Variants in RANBP17 observed in about 807,000 individuals in gnomAD.
RANBP17 encodes ran-binding protein 17.
Under a neutral mutation model 141.2 loss-of-function variants are expected in RANBP17, and 158 were observed. That is an observed-to-expected ratio of 1.12 (90% CI 0.98 to 1.28). RANBP17 has a LOEUF of 1.28. Among genes scored for constraint, RANBP17 ranks in the 50% most tolerant of loss-of-function variants. The pLI is 0.00. For synonymous variants in RANBP17, 430 were observed against 450.0 expected, an observed-to-expected ratio of 0.96 and a Z score of 0.56; for missense variants, 1,438 against 1,290.7, an observed-to-expected ratio of 1.11 and a Z score of -1.75.
At chr5:171,073,369 A>T (rs1784738285) in intron 14 of RANBP17, among the ~76,000 whole-genome samples, 1 of 152,106 alleles carries the variant, frequency 6.6e-6, no homozygotes, top group Non-Finnish European at 1.5e-5. Flanking sequence ...CTAGTTGGTA[A>T]ATTTGTTTCT....
Position 171,293,967 on chromosome 5 carries a change from C to G in RANBP17, c.3028C>G (p.Leu1010Val). ...ATCCAGGCCTCTCCTGGGGCTCATC[C>G]TGCTCAATGAGAAGGTGAGTGTGAT... ...SVSRPLLGLI[L>V]LNEKYFSELR... The change falls in exon 26 of 28, where the codon CTG (leucine) becomes GTG (valine). Residue 1010 changes from leucine to valine, a missense_variant. By Grantham distance (32) the Leu-to-Val change is conservative. Transcript: ENST00000523189. 1 of 1,613,098 alleles carries G rather than the reference C, an allele frequency of 6.2e-7. No homozygotes were observed. The highest frequency in any genetic ancestry group is 1.1e-5 in the South Asian group (1 of 91,058).
chr5:170,983,448 A>C (rs1777910295), intron 14 of RANBP17, among the ~76,000 whole-genome samples: 2 of 152,244 alleles, frequency 1.3e-5, no homozygotes, highest in Admixed American at 6.5e-5. Context: ...ATTGAATCAT[A>C]GTACCATGGA....
intron 25 of RANBP17, among the ~76,000 whole-genome samples, chr5:171,285,038 G>A (rs1768078093): frequency 6.6e-6 from 1 of 152,112 alleles, no homozygotes; most frequent in Non-Finnish European, 1.5e-5. Flanking sequence ...TCTACTCCCT[G>A]CCACTCAAAA....
Position 170,872,904 on chromosome 5 carries a change from C to CT in RANBP17, c.19-5184dup, listed in dbSNP as rs527537506. Among the ~76,000 whole-genome samples the CT allele has an allele frequency of 4.3e-3, 648 of 151,706 alleles. 4 individuals are homozygous for CT. The highest frequency in any genetic ancestry group is 7.1e-3 in the South Asian group (34 of 4,808). On this transcript the variant is annotated intron_variant, in intron 1 of 27. Transcript: ENST00000523189. ...AGTCGACTTGATTGTAGTAGATAAGCTTTTTTTTTCTTTTTTTCTTTTTTT... is the reference window on the plus strand; with the variant it reads ...AGTCGACTTGATTGTAGTAGATAAGCTTTTTTTTTTCTTTTTTTCTTTTTTT...
chr5:171,178,151 C>G (rs1465231953), intron 16 of RANBP17, among the ~76,000 whole-genome samples: 1 of 151,400 alleles, frequency 6.6e-6, no homozygotes, highest in African/African-American at 2.4e-5. Context: ...GGTATTTCTC[C>G]TAATGCTATC....
At chr5:170,872,145 C>G (rs1351628354) in intron 1 of RANBP17, among the ~76,000 whole-genome samples, 1 of 152,154 alleles carries the variant, frequency 6.6e-6, no homozygotes, top group Non-Finnish European at 1.5e-5. Context: ...TTCTCCTTAT[C>G]CATGAGGATG....
At chr5:170,943,245 A>G (rs1774478357) in intron 12 of RANBP17, among the ~76,000 whole-genome samples, 1 of 152,152 alleles carries the variant, frequency 6.6e-6, no homozygotes, top group Non-Finnish European at 1.5e-5. Flanking sequence ...AGAAAATTAT[A>G]TGCTCTTGTT....
chr5:171,023,463 A>G (rs1476106847), intron 14 of RANBP17, among the ~76,000 whole-genome samples: 2 of 152,200 alleles, frequency 1.3e-5, no homozygotes, highest in Non-Finnish European at 1.5e-5. Flanking sequence ...TTTTCTTTGT[A>G]TAGATCTAAA....
chr5:171,297,878 CAG>C (rs1430469484), intron 27 of RANBP17, among the ~76,000 whole-genome samples: 1 of 95,260 alleles, frequency 1.0e-5, no homozygotes. Flanking sequence ...TTTTTTGAGA[CAG>C]AGTCTCGCTC....
At chr5:171,015,786 T>A (rs1780386440) in intron 14 of RANBP17, among the ~76,000 whole-genome samples, 2 of 152,150 alleles carry the variant, frequency 1.3e-5, no homozygotes, top group Non-Finnish European at 2.9e-5. Context: ...AGGACTAATT[T>A]TTCTCCTATG....
At chr5:171,247,568 A>T (rs1765283245) in intron 24 of RANBP17, among the ~76,000 whole-genome samples, 1 of 152,190 alleles carries the variant, frequency 6.6e-6, no homozygotes, top group South Asian at 2.1e-4. Context: ...ATGATACAAA[A>T]AATTTTAGTT....
chr5:171,222,949 C>T (rs1383035387), intron 22 of RANBP17, among the ~76,000 whole-genome samples: 1 of 152,030 alleles, frequency 6.6e-6, no homozygotes, highest in African/African-American at 2.4e-5. Flanking sequence ...TATTTGGGTA[C>T]CCAGAAACAA....
chr5:170,913,002 TC>T (rs917709432), intron 7 of RANBP17, among the ~76,000 whole-genome samples: 41 of 151,852 alleles, frequency 2.7e-4, no homozygotes, highest in Admixed American at 2.7e-3. Flanking sequence ...AGGATTGGGG[TC>T]AAGAAGGTAT....
At chr5:171,065,421 G>T (rs2127682712) in intron 14 of RANBP17, among the ~76,000 whole-genome samples, 1 of 152,224 alleles carries the variant, frequency 6.6e-6, no homozygotes, top group Admixed American at 6.5e-5. Flanking sequence ...TTTACAGTAG[G>T]TTTCCTGCTC....
Position 170,879,930 on chromosome 5 carries a change from C to A in RANBP17, c.165+1687C>A, listed in dbSNP as rs554015833. Among the ~76,000 whole-genome samples the A allele has an allele frequency of 3.3e-5, 5 of 152,224 alleles. No homozygotes were observed. The East Asian group carries it at 7.7e-4, about 23-fold the overall frequency. On this transcript the variant is annotated intron_variant, in intron 2 of 27. Coordinates refer to ENST00000523189, the MANE Select transcript of RANBP17 (RefSeq NM_022897.5). The stretch of plus-strand genomic sequence containing the variant: ...TTAACACTACTGATTTATTAACTTA[C>A]AATAGATTCATATATTTACCACACA...
chr5:171,275,477 A>G (rs75814350), intron 25 of RANBP17, among the ~76,000 whole-genome samples: 43 of 152,290 alleles, frequency 2.8e-4, no homozygotes, highest in African/African-American at 1.0e-3. Flanking sequence ...AGCTTTCACT[A>G]TTACCACATA....
intron 2 of RANBP17, among the ~76,000 whole-genome samples, chr5:170,880,324 T>C (rs1324533138): frequency 1.3e-5 from 2 of 152,196 alleles, no homozygotes; most frequent in African/African-American, 4.8e-5. Context: ...TCATTTGTCT[T>C]GTTTTCAAAT....
chr5:171,110,555 A>G (rs916245842), intron 14 of RANBP17, among the ~76,000 whole-genome samples: 5 of 152,066 alleles, frequency 3.3e-5, no homozygotes, highest in African/African-American at 7.2e-5. Context: ...ACATTTTCCA[A>G]CTGTGGCCCT....
rs933094436 is a variant in RANBP17 at position 170,893,750 on chromosome 5, G to C, written c.423+1197G>C. Among the ~76,000 whole-genome samples the C allele has an allele frequency of 2.0e-5, 3 of 150,434 alleles. No individual in the cohort carries two copies. The East Asian group carries it at 5.9e-4, about 30-fold the overall frequency. On this transcript the variant is annotated intron_variant, in intron 4 of 27. Transcript: ENST00000523189. ...GGAGCTTGCAGTGAGCGGAGATTGC[G>C]CCACTGCACTCCAGCCTGGGCAACA... is the stretch of plus-strand genomic sequence containing the variant.
Sources: allele counts gnomAD v4.1 joint callset (sites outside exome capture counted in the v4.1 genomes callset), GRCh38; gene constraint gnomAD v4.1.1; transcripts MANE v1.5; gene names NCBI Gene and HGNC (gene_info 2026-07-23, HGNC 2026-07-21).